RXRG: variants seen among roughly 807,000 people sequenced by gnomAD.
RXRG encodes retinoid X receptor gamma, also known as retinoic acid receptor RXR-gamma.
A neutral mutation model predicts 49.2 loss-of-function variants in RXRG; 19 were observed. That is an observed-to-expected ratio of 0.39 (90% CI 0.27 to 0.57). RXRG has a LOEUF of 0.57. Ranked by LOEUF, RXRG falls within the 20% of genes least tolerant of loss-of-function variation. The pLI is 0.64. For missense variants in RXRG, 452 were observed against 592.5 expected, an observed-to-expected ratio of 0.76 and a Z score of 2.46; for synonymous variants, 224 against 216.6, an observed-to-expected ratio of 1.03 and a Z score of -0.30.
At chr1:165,410,891 T>A in intron 5 of RXRG, 58 bp downstream of exon 5, 1 of 1,613,378 alleles carries the variant, frequency 6.2e-7, no homozygotes, top group Non-Finnish European at 8.5e-7. Flanking sequence ...CACCCCTTTC[T>A]CCCATTTCCA....
intron 4 of RXRG, among the ~76,000 whole-genome samples, chr1:165,415,697 A>T (rs1308328137): frequency 6.6e-6 from 1 of 152,206 alleles, no homozygotes; most frequent in Non-Finnish European, 1.5e-5. Context: ...CTGGAAAATA[A>T]GTGGCCATTT....
At chr1:165,435,393 T>C (rs1571287629) in intron 1 of RXRG, among the ~76,000 whole-genome samples, 1 of 152,132 alleles carries the variant, frequency 6.6e-6, no homozygotes, top group Non-Finnish European at 1.5e-5. Context: ...GACAGGAAAG[T>C]GGAGCCACAG....
At chr1:165,414,680 T>C (rs1468797793) in intron 4 of RXRG, among the ~76,000 whole-genome samples, 1 of 152,240 alleles carries the variant, frequency 6.6e-6, no homozygotes, top group Non-Finnish European at 1.5e-5. Flanking sequence ...AGTTTCATTT[T>C]GATAATCATG....
chr1:165,421,827 T>C (rs1169077784), intron 2 of RXRG, among the ~76,000 whole-genome samples: 2 of 152,042 alleles, frequency 1.3e-5, no homozygotes, highest in African/African-American at 4.8e-5. Context: ...CCACTGTGCC[T>C]GGCTGGCTCT....
At chr1:165,420,075 A>T in intron 2 of RXRG, 61 bp from the exon 3 acceptor site, 3 of 1,358,574 alleles carry the variant, frequency 2.2e-6, no homozygotes, top group Non-Finnish European at 2.9e-6. Context: ...CCCAAGGCCT[A>T]AGGCAATGAG....
intron 2 of RXRG, among the ~76,000 whole-genome samples, chr1:165,422,356 C>T (rs1005883028): frequency 6.6e-6 from 1 of 152,152 alleles, no homozygotes; most frequent in South Asian, 2.1e-4. Context: ...AGATCCAAAA[C>T]GGAAGGAGAT....
chr1:165,419,046 T>C (rs1202207129), intron 3 of RXRG, among the ~76,000 whole-genome samples: 1 of 152,214 alleles, frequency 6.6e-6, no homozygotes, highest in Non-Finnish European at 1.5e-5. Context: ...CTCTTATTAT[T>C]GTTCTTCAAA....
chr1:165,413,569 G>T (rs1658023524), intron 4 of RXRG, among the ~76,000 whole-genome samples: 1 of 152,104 alleles, frequency 6.6e-6, no homozygotes, highest in South Asian at 2.1e-4. Flanking sequence ...CAAGGTACTG[G>T]GCTAGGTCTA....
At chr1:165,424,610 A>T in intron 2 of RXRG, 1 of 182,072 alleles carries the variant, frequency 5.5e-6, no homozygotes, top group Non-Finnish European at 1.0e-5. Flanking sequence ...CGATCTCTTT[A>T]CTCCTCAAGA....
intron 2 of RXRG, chr1:165,425,036 G>T: frequency 2.3e-6 from 2 of 860,928 alleles, no homozygotes; most frequent in Non-Finnish European, 2.8e-6. Flanking sequence ...AGCCAAACTT[G>T]GCCTTGGCCT....
At chr1:165,410,927 A>G (rs1167896955) in intron 5 of RXRG, 22 bp downstream of exon 5, 3 of 1,613,632 alleles carry the variant, frequency 1.9e-6, no homozygotes, top group Non-Finnish European at 1.7e-6. Context: ...TGGAACACAC[A>G]TGTGTGTCTA....
intron 2 of RXRG, among the ~76,000 whole-genome samples, chr1:165,423,261 G>A (rs750538189): frequency 2.0e-4 from 31 of 152,178 alleles, no homozygotes; most frequent in Non-Finnish European, 3.8e-4. Flanking sequence ...TGTTCCATTA[G>A]AAACAGTCTA....
chr1:165,416,338 C>G (rs974132232), intron 4 of RXRG, among the ~76,000 whole-genome samples: 1 of 152,110 alleles, frequency 6.6e-6, no homozygotes, highest in Non-Finnish European at 1.5e-5. Context: ...ACTAACGGGA[C>G]AGAAAGCACC....
chr1:165,410,531 T>C (rs1437432650), intron 6 of RXRG, among the ~76,000 whole-genome samples, 171 bp downstream of exon 6: 4 of 152,214 alleles, frequency 2.6e-5, no homozygotes, highest in Non-Finnish European at 2.9e-5. Flanking sequence ...AGAGTCCCAC[T>C]TCTTCATTAA....
At chr1:165,432,442 T>G (rs1658698533) in intron 1 of RXRG, among the ~76,000 whole-genome samples, 1 of 152,242 alleles carries the variant, frequency 6.6e-6, no homozygotes, top group African/African-American at 2.4e-5. Context: ...TAGAAATAAA[T>G]AGCTTTGCTT....
At chr1:165,402,590 CCACTCACACACGCA>C (rs1286294168) in intron 9 of RXRG, among the ~76,000 whole-genome samples, 1 of 152,046 alleles carries the variant, frequency 6.6e-6, no homozygotes, top group Non-Finnish European at 1.5e-5. Flanking sequence ...CACATCCTCA[CCACTCACACACGCA>C]CACTCACACT....
intron 1 of RXRG, among the ~76,000 whole-genome samples, chr1:165,434,349 AG>A (rs1030544474): frequency 2.6e-5 from 4 of 151,378 alleles, no homozygotes; most frequent in African/African-American, 9.7e-5. Flanking sequence ...CACAAAAGCC[AG>A]GGTACTTAGA....
At chr1:165,425,246 T>A (rs1008974073) in intron 2 of RXRG, among the ~76,000 whole-genome samples, 1 of 152,234 alleles carries the variant, frequency 6.6e-6, no homozygotes, top group African/African-American at 2.4e-5. Flanking sequence ...CCTTGCCCAA[T>A]TCCTACCCAC....
intron 4 of RXRG, among the ~76,000 whole-genome samples, chr1:165,415,171 G>T (rs540670495): frequency 5.3e-5 from 8 of 151,990 alleles, no homozygotes; most frequent in Non-Finnish European, 1.0e-4. Context: ...GTAAAGATAC[G>T]AAGGATGAGA....
Sources: allele counts gnomAD v4.1 joint callset (sites outside exome capture counted in the v4.1 genomes callset), GRCh38; gene constraint gnomAD v4.1.1; transcripts MANE v1.5; gene names NCBI Gene and HGNC (gene_info 2026-07-23, HGNC 2026-07-21).